The following CCDC150 variants were observed in gnomAD, a reference collection of about 807,000 sequenced individuals.
CCDC150 encodes the protein coiled-coil domain-containing protein 150.
In CCDC150, 151 loss-of-function variants were observed where a neutral mutation model predicts 156.5. That is an observed-to-expected ratio of 0.97 (90% CI 0.85 to 1.10). The LOEUF (loss-of-function observed/expected upper bound fraction) is 1.10. Ranked by LOEUF, CCDC150 falls within the 50% of genes least tolerant of loss-of-function variation. CCDC150 has a pLI of 0.00. For missense variants in CCDC150, 1,312 were observed against 1,268.1 expected, an observed-to-expected ratio of 1.03 and a Z score of -0.53; for synonymous variants, 452 against 429.4, an observed-to-expected ratio of 1.05 and a Z score of -0.65.
chr2:196,686,240 A>G (rs916276605), intron 13 of CCDC150: 2 of 278,722 alleles, frequency 7.2e-6, no homozygotes, highest in African/African-American at 4.6e-5. Context: ...TCTCCTGGGA[A>G]TTTACTTTAT....
At chr2:196,731,973 AC>A in intron 26 of CCDC150, 59 bp from the exon 27 acceptor site, 2 of 1,545,890 alleles carry the variant, frequency 1.3e-6, no homozygotes, top group Non-Finnish European at 1.8e-6. Flanking sequence ...TGCAACTAAT[AC>A]ACAAAAAAAC....
At chr2:196,725,255 A>C (rs1378015673) in intron 21 of CCDC150, among the ~76,000 whole-genome samples, 1 of 152,238 alleles carries the variant, frequency 6.6e-6, no homozygotes, top group African/African-American at 2.4e-5. Flanking sequence ...ATTATCAGCT[A>C]GATCAGAGAA....
At chr2:196,719,263 C>A (rs1575955322) in intron 18 of CCDC150, 1 of 353,226 alleles carries the variant, frequency 2.8e-6, no homozygotes, top group South Asian at 5.7e-5. Context: ...TGTAACATGA[C>A]CACAGTTGGG....
intron 15 of CCDC150, among the ~76,000 whole-genome samples, chr2:196,708,894 C>G (rs985525097): frequency 1.2e-4 from 18 of 152,290 alleles, no homozygotes; most frequent in Non-Finnish European, 4.4e-5. Flanking sequence ...ATGGGCTTTC[C>G]TTTGTGGGTA....
At chr2:196,652,521 G>A (rs1559215241) in intron 2 of CCDC150, among the ~76,000 whole-genome samples, 1 of 152,246 alleles carries the variant, frequency 6.6e-6, no homozygotes, top group Non-Finnish European at 1.5e-5. Flanking sequence ...GCTTTGAACA[G>A]CTCTGTCCCT....
intron 13 of CCDC150, among the ~76,000 whole-genome samples, chr2:196,694,801 G>T (rs576157298): frequency 1.3e-5 from 2 of 152,296 alleles, no homozygotes; most frequent in East Asian, 1.9e-4. Flanking sequence ...GGCAGAGCTT[G>T]CAGTGAGCCA....
At chr2:196,664,765 A>G (rs1575782768) in intron 5 of CCDC150, among the ~76,000 whole-genome samples, 2 of 151,634 alleles carry the variant, frequency 1.3e-5, no homozygotes, top group Non-Finnish European at 2.9e-5. Flanking sequence ...ACAGCTACCT[A>G]CCTTCCCCCA....
At chr2:196,702,922 G>C (rs1001761817) in intron 15 of CCDC150, among the ~76,000 whole-genome samples, 3 of 152,130 alleles carry the variant, frequency 2.0e-5, no homozygotes, top group African/African-American at 7.2e-5. Context: ...AAAGCAGATG[G>C]GAGAGTGGGT....
At chr2:196,659,409 G>A (rs1693423133) in intron 5 of CCDC150, among the ~76,000 whole-genome samples, 1 of 152,082 alleles carries the variant, frequency 6.6e-6, no homozygotes, top group Non-Finnish European at 1.5e-5. Flanking sequence ...TGACATAATA[G>A]TATTAATAAT....
At chr2:196,722,824 A>AGGT (rs1697997286) in intron 21 of CCDC150, among the ~76,000 whole-genome samples, 1 of 152,180 alleles carries the variant, frequency 6.6e-6, no homozygotes, top group African/African-American at 2.4e-5. Context: ...AAAATTATTT[A>AGGT]GGTGACTATA....
chr2:196,715,936 G>A (rs1415049420), intron 17 of CCDC150, among the ~76,000 whole-genome samples: 1 of 152,116 alleles, frequency 6.6e-6, no homozygotes, highest in Non-Finnish European at 1.5e-5. Flanking sequence ...CAGACTGGGA[G>A]GAATTATTTG....
intron 13 of CCDC150, among the ~76,000 whole-genome samples, chr2:196,679,268 G>A (rs1357579958): frequency 1.3e-5 from 2 of 151,910 alleles, no homozygotes; most frequent in African/African-American, 2.4e-5. Context: ...TCAAAATATA[G>A]AACATTTTTG....
At chr2:196,706,500 T>G (rs1012472682) in intron 15 of CCDC150, among the ~76,000 whole-genome samples, 1 of 152,232 alleles carries the variant, frequency 6.6e-6, no homozygotes, top group Non-Finnish European at 1.5e-5. Flanking sequence ...TGAATACCCT[T>G]TATTTCTTTC....
chr2:196,722,965 C>T (rs553439992), intron 21 of CCDC150, among the ~76,000 whole-genome samples: 44 of 152,200 alleles, frequency 2.9e-4, no homozygotes, highest in African/African-American at 1.1e-3. Context: ...CAGGATTTAC[C>T]CTTATGCCAC....
At chr2:196,666,633 G>A in intron 6 of CCDC150, 86 bp from the exon 7 acceptor site, 1 of 1,101,856 alleles carries the variant, frequency 9.1e-7, no homozygotes, top group South Asian at 1.6e-5. Context: ...CATTAAGGTT[G>A]GAATGTTGCC....
chr2:196,657,002 A>G lies in CCDC150; in HGVS notation c.442A>G (p.Lys148Glu), dbSNP rs776550640. ...RLNAIQEEHS[K>E]DLKLLHLEVM... ...GAATGCAATACAGGAAGAGCATTCT[A>G]AGGACCTGAAGCTGTTGCATCTCGA... Residue 148 changes from lysine (K) to glutamate (E), a missense_variant, in exon 4 of 28, where the codon AAG (lysine) becomes GAG (glutamate). Lys to Glu is a moderately conservative substitution (Grantham distance 56, BLOSUM62 1). Coordinates refer to ENST00000389175, the MANE Select transcript of CCDC150 (RefSeq NM_001080539.2). 2 of 1,613,548 alleles carry G rather than the reference A, an allele frequency of 1.2e-6. No homozygotes were observed. The highest frequency in any genetic ancestry group is 2.7e-5 in the African/African-American group (2 of 74,902).
intron 2 of CCDC150, among the ~76,000 whole-genome samples, chr2:196,655,799 A>T (rs1693153161): frequency 6.6e-6 from 1 of 152,086 alleles, no homozygotes; most frequent in Admixed American, 6.6e-5. Flanking sequence ...AGTAGAAGTT[A>T]TAAAAGTTGG....
intron 4 of CCDC150, among the ~76,000 whole-genome samples, chr2:196,657,843 A>G (rs1693315438): frequency 6.6e-6 from 1 of 152,144 alleles, no homozygotes. Context: ...CCTGGGATAA[A>G]TCAGTTGTCC....
At chr2:196,712,417 C>T in intron 16 of CCDC150, 165 bp downstream of exon 16, 1 of 557,956 alleles carries the variant, frequency 1.8e-6, no homozygotes. Flanking sequence ...ATACAAGGTT[C>T]TGCTAAAGCC....
Sources: gnomAD v4.1 joint callset for allele counts (sites outside exome capture counted in the v4.1 genomes callset) on GRCh38, gnomAD v4.1.1 for gene constraint, MANE v1.5 for transcripts, NCBI Gene and HGNC (gene_info 2026-07-23, HGNC 2026-07-21) for gene names.